The following COL25A1 variants were observed in gnomAD, a reference collection of about 807,000 sequenced individuals.
COL25A1 encodes collagen alpha-1(XXV) chain.
In COL25A1, 103 loss-of-function variants were observed where a neutral mutation model predicts 128.4. That is an observed-to-expected ratio of 0.80 (90% CI 0.68 to 0.94). The LOEUF (loss-of-function observed/expected upper bound fraction) is 0.94. Ranked by LOEUF, COL25A1 falls within the 40% of genes least tolerant of loss-of-function variation. The pLI, the probability that COL25A1 is intolerant of heterozygous loss-of-function variation, is 0.00. For missense variants in COL25A1, 745 were observed against 840.0 expected (o/e 0.89, Z 1.40); for synonymous variants, 279 against 277.2 (o/e 1.01, Z -0.06).
At chr4:108,907,017 A>G (rs1267305258) in intron 13 of COL25A1, among the ~76,000 whole-genome samples, 1 of 152,214 alleles carries the variant, frequency 6.6e-6, no homozygotes, top group African/African-American at 2.4e-5. Context: ...TGTCTCAGGA[A>G]CCGCAAGGCA....
chr4:109,164,476 G>A (rs1772880900), intron 3 of COL25A1, among the ~76,000 whole-genome samples: 1 of 152,142 alleles, frequency 6.6e-6, no homozygotes, highest in Non-Finnish European at 1.5e-5. Context: ...TTGTTTGTTG[G>A]TTGGTTGACT....
intron 8 of COL25A1, among the ~76,000 whole-genome samples, chr4:108,945,438 G>C (rs1748613478): frequency 6.6e-6 from 1 of 152,148 alleles, no homozygotes; most frequent in Admixed American, 6.5e-5. Context: ...TTCTCTAGCT[G>C]CTCATACAGA....
intron 3 of COL25A1, among the ~76,000 whole-genome samples, chr4:109,060,794 T>C (rs141658283): frequency 2.1e-3 from 316 of 152,258 alleles, no homozygotes; most frequent in Non-Finnish European, 3.8e-3. Flanking sequence ...GCTTAAAATA[T>C]CAAGGCAATT....
At chr4:109,038,960 C>T (rs752609078) in intron 5 of COL25A1, among the ~76,000 whole-genome samples, 1 of 152,142 alleles carries the variant, frequency 6.6e-6, no homozygotes, top group Non-Finnish European at 1.5e-5. Flanking sequence ...TCTTTATTCT[C>T]CATCTCAGTG....
chr4:108,985,255 G>A (rs889477247), intron 6 of COL25A1, among the ~76,000 whole-genome samples: 1 of 152,126 alleles, frequency 6.6e-6, no homozygotes, highest in African/African-American at 2.4e-5. Context: ...CTTCCTCCCA[G>A]CCTTGCCCCA....
At chr4:109,068,583 T>C (rs1005339068) in intron 3 of COL25A1, among the ~76,000 whole-genome samples, 15 of 152,176 alleles carry the variant, frequency 9.9e-5, no homozygotes, top group African/African-American at 3.6e-4. Flanking sequence ...TCCTATATAG[T>C]AGTTTAAAAC....
chr4:109,181,282 G>A (rs185695286), intron 3 of COL25A1, among the ~76,000 whole-genome samples: 63 of 152,082 alleles, frequency 4.1e-4, no homozygotes, highest in African/African-American at 1.2e-3. Context: ...TCACTTACAC[G>A]TATCTTTTAC....
At chr4:109,286,572 A>G (rs1723912506) in intron 3 of COL25A1, among the ~76,000 whole-genome samples, 1 of 152,284 alleles carries the variant, frequency 6.6e-6, no homozygotes, top group Non-Finnish European at 1.5e-5. Context: ...ATGATTCTCA[A>G]CTGGGAATGA....
At chr4:108,880,056 G>A (rs1022731991) in intron 19 of COL25A1, among the ~76,000 whole-genome samples, 2 of 152,040 alleles carry the variant, frequency 1.3e-5, no homozygotes, top group African/African-American at 4.8e-5. Context: ...TGATCCACCC[G>A]CCTTGGCCTC....
chr4:108,942,429 G>T (rs1020379560), intron 8 of COL25A1, among the ~76,000 whole-genome samples: 2 of 151,504 alleles, frequency 1.3e-5, no homozygotes, highest in Non-Finnish European at 2.9e-5. Flanking sequence ...GACACATAAG[G>T]CCCCAAAATA....
At chr4:109,090,024 A>C (rs1045083038) in intron 3 of COL25A1, among the ~76,000 whole-genome samples, 11 of 152,178 alleles carry the variant, frequency 7.2e-5, no homozygotes, top group Non-Finnish European at 1.5e-4. Context: ...AATTCAGTAT[A>C]TATAAATGTA....
intron 16 of COL25A1, among the ~76,000 whole-genome samples, chr4:108,892,392 G>A (rs376096030): frequency 3.9e-5 from 6 of 152,284 alleles, no homozygotes; most frequent in Admixed American, 1.3e-4. Context: ...ATATGTGTGT[G>A]TTAATAAGGC....
intron 3 of COL25A1, among the ~76,000 whole-genome samples, chr4:109,276,481 A>G (rs778527889): frequency 1.4e-4 from 21 of 152,126 alleles, no homozygotes; most frequent in Non-Finnish European, 3.1e-4. Context: ...TAGGTGCTTA[A>G]TAACTATTTA....
chr4:108,995,839 C>G (rs374636518), intron 6 of COL25A1, among the ~76,000 whole-genome samples: 26 of 152,154 alleles, frequency 1.7e-4, no homozygotes, highest in African/African-American at 6.0e-4. Flanking sequence ...AAAGAATTTT[C>G]AACCCAGAAT....
chr4:108,836,994 G>C (rs1425710074), intron 31 of COL25A1, among the ~76,000 whole-genome samples: 1 of 152,132 alleles, frequency 6.6e-6, no homozygotes, highest in African/African-American at 2.4e-5. Context: ...CACGAGAATT[G>C]CTTGAACCTG....
intron 3 of COL25A1, among the ~76,000 whole-genome samples, chr4:109,211,274 CTA>C (rs1247369007): frequency 6.9e-4 from 11 of 15,970 alleles, no homozygotes; most frequent in South Asian, 1.1e-3. Flanking sequence ...ATATATGAAA[CTA>C]TATATATATG....
At chr4:109,085,640 T>C (rs1764284024) in intron 3 of COL25A1, among the ~76,000 whole-genome samples, 1 of 152,198 alleles carries the variant, frequency 6.6e-6, no homozygotes. Flanking sequence ...CAAAAACTTT[T>C]GTCTAGCATT....
chr4:109,019,133 CAGTG>C (rs1343109993), intron 5 of COL25A1, among the ~76,000 whole-genome samples: 1 of 151,838 alleles, frequency 6.6e-6, no homozygotes, highest in Non-Finnish European at 1.5e-5. Context: ...AATTAGCTTC[CAGTG>C]AACAAAAAGC....
intron 3 of COL25A1, among the ~76,000 whole-genome samples, chr4:109,192,370 C>A (rs905366620): frequency 5.3e-5 from 8 of 152,182 alleles, no homozygotes; most frequent in African/African-American, 1.9e-4. Context: ...GATGAACTGA[C>A]TACAGTTATC....
Sources: gnomAD v4.1 joint callset for allele counts (sites outside exome capture counted in the v4.1 genomes callset) on GRCh38, gnomAD v4.1.1 for gene constraint, MANE v1.5 for transcripts, NCBI Gene and HGNC (gene_info 2026-07-23, HGNC 2026-07-21) for gene names.